Variants in SMC1A observed in about 807,000 individuals in gnomAD.
The protein encoded by SMC1A is structural maintenance of chromosomes protein 1A.
SMC1A carries 4 observed loss-of-function variants against 94.5 expected under a neutral mutation model. That is an observed-to-expected ratio of 0.04 (90% CI 0.02 to 0.10). The LOEUF (loss-of-function observed/expected upper bound fraction) is 0.10. Among genes scored for constraint, SMC1A ranks in the 10% least tolerant of loss-of-function variants. The pLI is 1.00. For missense variants in SMC1A, 304 were observed against 989.0 expected (o/e 0.31, Z 9.29); for synonymous variants, 345 against 347.7 (o/e 0.99, Z 0.09).
rs1289731241 is a variant in SMC1A at position 53,379,334 on chromosome X, T to G, written c.*769A>C. On this transcript the variant is annotated 3_prime_UTR_variant, in exon 25 of 25. Transcript: ENST00000322213. ...CTAGTGCCTGACCAAATCCTACCAA[T>G]TTGTCAAGGTCTAGCTTAAATGTGA... 9.0e-6 allele frequency: 1 copy of G among 111,596 alleles called. No homozygotes were observed. The highest frequency in any genetic ancestry group is 1.9e-5 in the Non-Finnish European group (1 of 53,134). 9.2% of individuals were successfully genotyped at this position (111,596 alleles called of 1,213,427 possible). A position where few individuals can be genotyped will look rare whatever the true frequency, so the allele number is the denominator to read the frequency against.
rs782402240 is a variant in SMC1A at position 53,422,611 on chromosome X, G to GCGCCGGCGGCAGTAGGACAGGCCGCGC, written c.-38_-12dup. On this transcript the variant is annotated 5_prime_UTR_variant, in exon 1 of 25. Transcript: ENST00000322213. ...TTTCAGGAACCCCATGACGGCCGCG[G>GCGCCGGCGGCAGTAGGACAGGCCGCGC]CGCCGGCGGCAGTAGGACAGGCCGC... The GCGCCGGCGGCAGTAGGACAGGCCGCGC allele has an allele frequency of 4.4e-6, 5 of 1,126,699 alleles. No individual in the cohort carries two copies. The highest frequency in any genetic ancestry group is 1.8e-5 in the South Asian group (1 of 55,035). The allele number at this position is 1,126,699 out of a possible 1,213,427, so 92.9% of individuals were successfully genotyped here.
rs1556885125 is a variant in SMC1A at position 53,375,539 on chromosome X, A to T, written c.*4564T>A. ...CTTGAGGTAGGAAAGAGGGAGTCAG[A>T]GTCCTGGCTTGGAAGAGCCTTACTG... On this transcript the variant is annotated 3_prime_UTR_variant, in exon 25 of 25. Transcript: ENST00000322213. The T allele has an allele frequency of 9.1e-6, 1 of 109,687 alleles. No individual in the cohort carries two copies. Among genetic ancestry groups the T allele is most frequent in the Non-Finnish European group, 1.9e-5 (1 of 52,627 alleles). 9.0% of individuals were successfully genotyped at this position (109,687 alleles called of 1,213,427 possible).
intron 19 of SMC1A, among the ~76,000 whole-genome samples, chrX:53,383,845 G>A (rs1178454043): frequency 8.9e-6 from 1 of 111,830 alleles, no homozygotes; most frequent in African/African-American, 3.3e-5. Flanking sequence ...TGGTTTCTGT[G>A]CTCACAGAGC....
intron 19 of SMC1A, among the ~76,000 whole-genome samples, chrX:53,391,206 T>G (rs1344034176): frequency 9.2e-6 from 1 of 108,888 alleles, no homozygotes; most frequent in Non-Finnish European, 1.9e-5. Flanking sequence ...TCCCAGCTAC[T>G]CAGGACGCTG....
chrX:53,381,387 G>A (rs782635838), intron 22 of SMC1A, among the ~76,000 whole-genome samples: 40 of 111,621 alleles, frequency 3.6e-4, no homozygotes, highest in African/African-American at 1.0e-3. Context: ...TGTAATGACC[G>A]AGCTACCTAG....
intron 20 of SMC1A, 129 bp from the exon 21 acceptor site, chrX:53,382,789 C>T: frequency 1.2e-6 from 1 of 816,026 alleles, no homozygotes; most frequent in Non-Finnish European, 1.8e-6. Flanking sequence ...GATCTGTATC[C>T]AGTGGACTGG....
intron 1 of SMC1A, among the ~76,000 whole-genome samples, chrX:53,418,592 G>A (rs782159372): frequency 1.8e-5 from 2 of 112,182 alleles, no homozygotes; most frequent in Non-Finnish European, 3.8e-5. Context: ...AAGCCACCAT[G>A]CCCAGCTAGT....
rs782166219 is a variant in SMC1A at position 53,403,547 on chromosome X, T to C, written c.2420+19A>G. The stretch of plus-strand genomic sequence containing the variant: ...GGCTCAAGGGCATGCCAATCTCTTC[T>C]ACCAATCCTCCCACCTACCGCTTCT... On this transcript the variant is annotated intron_variant, in intron 15 of 24. Transcript: ENST00000322213. The C allele has an allele frequency of 8.7e-7, 1 of 1,154,634 alleles. No individual in the cohort carries two copies. Among genetic ancestry groups the C allele is most frequent in the Non-Finnish European group, 1.2e-6 (1 of 852,284 alleles).
chrX:53,394,735 A>AACCCCCCCCC, intron 19 of SMC1A, 43 bp downstream of exon 19: 1 of 267,628 alleles, frequency 3.7e-6, no homozygotes, highest in African/African-American at 4.7e-5. Context: ...TCCCACTCCC[A>AACCCCCCCCC]CCCAACCCCC....
rs1183680798 is a variant in SMC1A at position 53,393,567 on chromosome X, A to G, written c.2973+1211T>C. Among the ~76,000 whole-genome samples the G allele has an allele frequency of 3.6e-5, 4 of 111,731 alleles. No individual in the cohort carries two copies. In the East Asian group the frequency reaches 1.1e-3, roughly 31 times the overall value. On this transcript the variant is annotated intron_variant, in intron 19 of 24. Coordinates refer to ENST00000322213, the MANE Select transcript of SMC1A (RefSeq NM_006306.4). ...TTTTTCTTAAAAGTTCTCATATTCT[A>G]GAGATACATGCTGAGGTAATTATGG...
intron 1 of SMC1A, among the ~76,000 whole-genome samples, chrX:53,416,643 G>A (rs1556891337): frequency 1.8e-5 from 2 of 110,671 alleles, no homozygotes; most frequent in Non-Finnish European, 3.8e-5. Flanking sequence ...GCCCACCTCG[G>A]CCTCCCAAAG....
At position 53,377,945 on chromosome X, in the gene SMC1A, T is replaced by C. The variant is rs782345534; in HGVS notation, c.*2158A>G. 1 of 112,350 alleles carries C rather than the reference T, an allele frequency of 8.9e-6. No individual in the cohort carries two copies. Among genetic ancestry groups the C allele is most frequent in the Admixed American group, 9.5e-5 (1 of 10,492 alleles). 9.3% of individuals were successfully genotyped at this position (112,350 alleles called of 1,213,427 possible). On this transcript the variant is annotated 3_prime_UTR_variant, in exon 25 of 25. Coordinates refer to ENST00000322213, the MANE Select transcript of SMC1A (RefSeq NM_006306.4). Reference sequence around the variant, plus strand: ...GGCACACAGTACCACCAGTGGTACGTGACTTCTTTGGTTGAAAACAGACAA... The same window carrying C: ...GGCACACAGTACCACCAGTGGTACGCGACTTCTTTGGTTGAAAACAGACAA...
At chrX:53,392,434 A>C (rs1243377941) in intron 19 of SMC1A, among the ~76,000 whole-genome samples, 1 of 110,097 alleles carries the variant, frequency 9.1e-6, no homozygotes, top group Admixed American at 9.6e-5. Flanking sequence ...CCCAGTCTGG[A>C]TTTGGTTAAC....
chrX:53,399,510 A>G (rs1392940267), intron 16 of SMC1A, 79 bp downstream of exon 16: 3 of 986,964 alleles, frequency 3.0e-6, no homozygotes, highest in Admixed American at 2.2e-5. Flanking sequence ...AGTTGTGGAC[A>G]TTATCCTTCT....
chrX:53,421,436 T>C (rs1556892021), intron 1 of SMC1A, among the ~76,000 whole-genome samples: 1 of 112,283 alleles, frequency 8.9e-6, no homozygotes, highest in Non-Finnish European at 1.9e-5. Flanking sequence ...AGGTACTCAG[T>C]ATGTGCTACT....
chrX:53,392,467 TGA>T (rs1404901036), intron 19 of SMC1A, among the ~76,000 whole-genome samples: 1 of 111,342 alleles, frequency 9.0e-6, no homozygotes, highest in Non-Finnish European at 1.9e-5. Context: ...CATTTTTTTT[TGA>T]GACGGAGTTT....
chrX:53,386,889 A>C (rs1433302800), intron 19 of SMC1A, among the ~76,000 whole-genome samples: 7 of 112,742 alleles, frequency 6.2e-5, no homozygotes, highest in Middle Eastern at 4.6e-3. Flanking sequence ...AAAACATAGG[A>C]ACATGACTAT....
chrX:53,413,144 C>T lies in SMC1A; in HGVS notation c.616-6G>A, dbSNP rs587784424. 2.5e-4 allele frequency: 298 copies of T among 1,210,012 alleles called. 2 individuals are homozygous for T. In the South Asian group the frequency reaches 5.1e-3, roughly 21 times the overall value. On this transcript the variant is annotated splice_polypyrimidine_tract_variant and splice_region_variant and intron_variant, in intron 4 of 24. Coordinates refer to ENST00000322213, the MANE Select transcript of SMC1A (RefSeq NM_006306.4). ...AGGCGCTGGTACCGGTCAGCCTGTGCAAACAGGGGAATGGTGGCAGGGGTG... is the reference window on the plus strand; with the variant it reads ...AGGCGCTGGTACCGGTCAGCCTGTGTAAACAGGGGAATGGTGGCAGGGGTG...
rs1418933637 is a variant in SMC1A, at chrX:53,375,138, C to T, written c.*4965G>A. On this transcript the variant is annotated 3_prime_UTR_variant, in exon 25 of 25. Transcript: ENST00000322213. ...TAAGGAAACCCCTTAGAAGGGACTG[C>T]AAGCATGGCAGGTTTGCTAAGGGTT... is the stretch of plus-strand genomic sequence containing the variant. 8.9e-6 allele frequency: 1 copy of T among 112,259 alleles called. No homozygotes were observed. The allele number at this position is 112,259 out of a possible 1,213,427, so 9.3% of individuals were successfully genotyped here. A position where few individuals can be genotyped will look rare whatever the true frequency, so the allele number is the denominator to read the frequency against.
Sources: gnomAD v4.1 joint callset for allele counts (sites outside exome capture counted in the v4.1 genomes callset) on GRCh38, gnomAD v4.1.1 for gene constraint, MANE v1.5 for transcripts, NCBI Gene and HGNC (gene_info 2026-07-23, HGNC 2026-07-21) for gene names.